Variants in FOXP1 observed in about 807,000 individuals in gnomAD.
The protein encoded by FOXP1 is forkhead box protein P1.
In FOXP1, 15 loss-of-function variants were observed where a neutral mutation model predicts 98.2. The observed-to-expected ratio is 0.15, with a 90% CI of 0.10 to 0.24. The LOEUF (loss-of-function observed/expected upper bound fraction) is 0.24. FOXP1 is among the 10% of genes least tolerant of loss of function. The pLI is 1.00. For synonymous variants in FOXP1, 371 were observed against 314.5 expected (o/e 1.18, Z -1.90); for missense variants, 633 against 848.5 (o/e 0.75, Z 3.15).
At chr3:71,485,871 A>G (rs1324251716) in intron 3 of FOXP1, among the ~76,000 whole-genome samples, 1 of 152,028 alleles carries the variant, frequency 6.6e-6, no homozygotes, top group Non-Finnish European at 1.5e-5. Context: ...CCAGGAGGTG[A>G]GGAATATTTT....
Position 71,396,954 on chromosome 3 carries a change from ATATATATATGTGTG to A in FOXP1, c.-167-37724_-167-37711del, listed in dbSNP as rs1560424184. On this transcript the variant is annotated intron_variant, in intron 3 of 20. Transcript: ENST00000649528. ...TATATACACATATATATATGTGTAT[ATATATATATGTGTG>A]TATATATATATATGTGTATATATAT... is the stretch of plus-strand genomic sequence containing the variant. Among the ~76,000 whole-genome samples, 28 of 53,472 alleles carry A rather than the reference ATATATATATGTGTG, an allele frequency of 5.2e-4. 1 individual carries two copies. The East Asian group carries it at 5.8e-3, about 11-fold the overall frequency. The allele number at this position is 53,472 out of a possible 152,430, so 35.1% of individuals were successfully genotyped here.
chr3:71,064,535 G>C (rs1040180805), intron 7 of FOXP1, among the ~76,000 whole-genome samples: 1 of 151,884 alleles, frequency 6.6e-6, no homozygotes, highest in East Asian at 2.0e-4. Context: ...TAAAAAAAGA[G>C]AGCGAGAGTG....
chr3:71,206,770 G>A (rs190491447), intron 5 of FOXP1, among the ~76,000 whole-genome samples: 10 of 152,218 alleles, frequency 6.6e-5, no homozygotes, highest in Admixed American at 3.3e-4. Context: ...AGTTGACCCC[G>A]CTCCAAAAAT....
At chr3:71,069,830 G>A (rs914076831) in intron 7 of FOXP1, among the ~76,000 whole-genome samples, 2 of 152,140 alleles carry the variant, frequency 1.3e-5, no homozygotes, top group South Asian at 2.1e-4. Flanking sequence ...TGTAGAAATC[G>A]CTGAATATCA....
intron 10 of FOXP1, among the ~76,000 whole-genome samples, chr3:71,042,459 T>C (rs1427461360): frequency 6.6e-6 from 1 of 152,124 alleles, no homozygotes; most frequent in Non-Finnish European, 1.5e-5. Context: ...TCAATGCATA[T>C]TCTAGCCCAC....
intron 3 of FOXP1, among the ~76,000 whole-genome samples, chr3:71,397,018 A>ATGTG (rs74212913): frequency 3.3e-5 from 3 of 89,986 alleles, no homozygotes; most frequent in Admixed American, 1.2e-4. Flanking sequence ...GTATATATAT[A>ATGTG]TATATACATA....
At chr3:71,203,371 T>A (rs11706194) in intron 5 of FOXP1, among the ~76,000 whole-genome samples, 1 of 152,244 alleles carries the variant, frequency 6.6e-6, no homozygotes, top group Non-Finnish European at 1.5e-5. Context: ...AGGACTGAGT[T>A]TAGCATGCTT....
At chr3:71,020,720 C>A (rs1237117436) in intron 11 of FOXP1, among the ~76,000 whole-genome samples, 3 of 152,132 alleles carry the variant, frequency 2.0e-5, no homozygotes, top group Non-Finnish European at 4.4e-5. Context: ...AGGCAGATTC[C>A]GAGCTTTTCC....
At chr3:71,310,432 A>T (rs1181255212) in intron 4 of FOXP1, among the ~76,000 whole-genome samples, 1 of 152,228 alleles carries the variant, frequency 6.6e-6, no homozygotes, top group Admixed American at 6.5e-5. Flanking sequence ...TGTAAAAAAT[A>T]ACTGAAAAAA....
chr3:71,009,364 C>T (rs151105318), intron 12 of FOXP1, among the ~76,000 whole-genome samples: 3 of 152,022 alleles, frequency 2.0e-5, no homozygotes, highest in Admixed American at 6.6e-5. Flanking sequence ...TTGTTCCTTA[C>T]GCATGGTCAA....
chr3:71,428,534 C>T (rs1339350019), intron 3 of FOXP1, among the ~76,000 whole-genome samples: 1 of 152,198 alleles, frequency 6.6e-6, no homozygotes, highest in Non-Finnish European at 1.5e-5. Context: ...AGAGAATGGG[C>T]TACTGTATCT....
intron 7 of FOXP1, among the ~76,000 whole-genome samples, chr3:71,104,214 A>T (rs904413466): frequency 6.6e-6 from 1 of 152,118 alleles, no homozygotes; most frequent in Non-Finnish European, 1.5e-5. Context: ...AATCATGATT[A>T]TTTGCTTACA....
At chr3:71,236,397 C>T (rs867662010) in intron 5 of FOXP1, among the ~76,000 whole-genome samples, 1 of 152,154 alleles carries the variant, frequency 6.6e-6, no homozygotes, top group African/African-American at 2.4e-5. Context: ...TTGCAGTTCT[C>T]GATTGACTTT....
intron 3 of FOXP1, among the ~76,000 whole-genome samples, chr3:71,480,313 T>A (rs760668375): frequency 1.3e-5 from 2 of 152,198 alleles, no homozygotes; most frequent in Non-Finnish European, 2.9e-5. Flanking sequence ...CACAGTATGC[T>A]GCTACTGCAG....
intron 5 of FOXP1, among the ~76,000 whole-genome samples, chr3:71,249,596 T>C (rs2107028803): frequency 6.6e-6 from 1 of 152,192 alleles, no homozygotes; most frequent in East Asian, 1.9e-4. Context: ...CACCTGATCC[T>C]TGGACACCAT....
At position 71,465,851 on chromosome 3, in the gene FOXP1, T is replaced by C. The variant is rs144076723; in HGVS notation, c.-168+27575A>G. Among the ~76,000 whole-genome samples, 318 of 152,266 alleles carry C rather than the reference T, an allele frequency of 2.1e-3. 1 individual carries two copies. The highest frequency in any genetic ancestry group is 7.3e-3 in the African/African-American group (305 of 41,540). On this transcript the variant is annotated intron_variant, in intron 3 of 20. Coordinates refer to ENST00000649528, the MANE Select transcript of FOXP1 (RefSeq NM_001349338.3). ...GCCTCCTGTCACATCAGCAGCGGCA[T>C]TGGATTCTCACAGGAGGGCGAACCC... is the stretch of plus-strand genomic sequence containing the variant.
intron 4 of FOXP1, among the ~76,000 whole-genome samples, chr3:71,348,719 C>T (rs942664203): frequency 1.3e-5 from 2 of 151,924 alleles, no homozygotes; most frequent in Non-Finnish European, 2.9e-5. Flanking sequence ...TGATACTAGA[C>T]AGAATCTTGA....
intron 4 of FOXP1, among the ~76,000 whole-genome samples, chr3:71,322,271 C>T (rs2075434800): frequency 6.6e-6 from 1 of 152,188 alleles, no homozygotes; most frequent in Non-Finnish European, 1.5e-5. Context: ...CCACATGTGG[C>T]TTTTAAGTTT....
intron 7 of FOXP1, among the ~76,000 whole-genome samples, chr3:71,105,606 CT>C (rs2057356569): frequency 6.6e-6 from 1 of 152,138 alleles, no homozygotes; most frequent in East Asian, 1.9e-4. Context: ...TGTTTTTCCC[CT>C]GTCCCTCTCC....
Sources: allele counts gnomAD v4.1 joint callset (sites outside exome capture counted in the v4.1 genomes callset), GRCh38; gene constraint gnomAD v4.1.1; transcripts MANE v1.5; gene names NCBI Gene and HGNC (gene_info 2026-07-23, HGNC 2026-07-21).